Variants in FABP6 observed in about 807,000 individuals in gnomAD.
FABP6 encodes the protein fatty acid binding protein 6, also known as gastrotropin.
A neutral mutation model predicts 14.9 loss-of-function variants in FABP6; 13 were observed. The ratio of observed to expected loss-of-function variants is 0.87; its 90% CI spans 0.57 to 1.39. FABP6 has a LOEUF of 1.39. Among genes scored for constraint, FABP6 ranks in the 40% most tolerant of loss-of-function variants. The probability of loss-of-function intolerance (pLI) is 0.00; values close to 1 mark genes in which losing one functional copy is unlikely to be tolerated. For synonymous variants in FABP6, 75 were observed against 63.6 expected (o/e 1.18, Z -0.85); for missense variants, 161 against 167.2 (o/e 0.96, Z 0.20).
At chr5:160,194,041 A>G (rs569349011) in intron 1 of FABP6, among the ~76,000 whole-genome samples, 95 of 152,316 alleles carry the variant, frequency 6.2e-4, no homozygotes, top group Admixed American at 1.2e-3. Context: ...GCCCTGCCCC[A>G]TGGGAAGGCA....
chr5:160,237,927 A>C (rs750512530), intron 3 of FABP6, among the ~76,000 whole-genome samples: 6 of 152,086 alleles, frequency 3.9e-5, no homozygotes, highest in Non-Finnish European at 5.9e-5. Context: ...TTATCTAGTC[A>C]GTGGCTCCCT....
Position 160,210,485 on chromosome 5 carries a change from G to A in FABP6, c.52-3251G>A, listed in dbSNP as rs545304023. Among the ~76,000 whole-genome samples, 60 of 152,244 alleles carry A rather than the reference G, an allele frequency of 3.9e-4. 1 individual carries two copies. In the South Asian group the frequency reaches 0.012, roughly 32 times the overall value. The stretch of plus-strand genomic sequence containing the variant: ...TCAGGCCCAAGCAGTGGGCAAGTGG[G>A]GTAGATCATGTGGGGACAAGGCCAC... On this transcript the variant is annotated intron_variant, in intron 2 of 6. Coordinates refer to the FABP6 transcript ENST00000393980.
At chr5:160,223,368 TCCCTCCCTCCCTCCCTCTC>T (rs1413892402) in intron 3 of FABP6, among the ~76,000 whole-genome samples, 49 of 60,374 alleles carry the variant, frequency 8.1e-4, no homozygotes, top group East Asian at 5.3e-3. Flanking sequence ...CTTCTTTCCC[TCCCTCCCTCCCTCCCTCTC>T]TCCTTCCTTC....
At chr5:160,223,828 G>A (rs1229556185) in intron 3 of FABP6, among the ~76,000 whole-genome samples, 6 of 151,506 alleles carry the variant, frequency 4.0e-5, no homozygotes, top group Middle Eastern at 3.4e-3. Flanking sequence ...GGCTGGGCAC[G>A]ATGCTTTATG....
At chr5:160,236,819 A>C (rs913022895) in intron 3 of FABP6, among the ~76,000 whole-genome samples, 1 of 117,776 alleles carries the variant, frequency 8.5e-6, no homozygotes, top group Admixed American at 8.1e-5. Flanking sequence ...TAAAAATACA[A>C]AAAAAAAAAA....
In FABP6 at chr5:160,207,378, T is replaced by A. The variant is rs778060117; in HGVS notation, c.52-6358T>A. On this transcript the variant is annotated intron_variant, in intron 2 of 6. Coordinates refer to the FABP6 transcript ENST00000393980. ...GACATTTTAGGAGACAAGGTAGCAA[T>A]AGTCAGATTTTCTTTCTGGCTTTTG... Among the ~76,000 whole-genome samples, 10 of 152,360 alleles carry A rather than the reference T, an allele frequency of 6.6e-5. No individual in the cohort carries two copies. In the East Asian group the frequency reaches 1.5e-3, roughly 23 times the overall value.
chr5:160,195,730 C>G (rs1191209365), intron 1 of FABP6: 5 of 152,214 alleles, frequency 3.3e-5, no homozygotes, highest in Admixed American at 3.3e-4. Context: ...TGTGAACCAG[C>G]CCACCTGGCT....
At chr5:160,192,452 G>A (rs1177159084) in intron 1 of FABP6, among the ~76,000 whole-genome samples, 2 of 152,262 alleles carry the variant, frequency 1.3e-5, no homozygotes, top group East Asian at 3.8e-4. Flanking sequence ...AACCTTGCGT[G>A]TTTACTCTCC....
intron 2 of FABP6, among the ~76,000 whole-genome samples, chr5:160,201,411 G>A (rs991649021): frequency 5.9e-5 from 9 of 151,970 alleles, no homozygotes; most frequent in African/African-American, 1.7e-4. Context: ...CTAGGGTGGG[G>A]GGGTAGGGTG....
chr5:160,213,397 C>T (rs1488343736), intron 2 of FABP6, among the ~76,000 whole-genome samples: 1 of 152,176 alleles, frequency 6.6e-6, no homozygotes, highest in African/African-American at 2.4e-5. Flanking sequence ...GAAATGGTGG[C>T]TGCAGGGTCC....
chr5:160,209,004 C>A (rs1759828619), intron 2 of FABP6, among the ~76,000 whole-genome samples: 1 of 151,820 alleles, frequency 6.6e-6, no homozygotes, highest in African/African-American at 2.4e-5. Flanking sequence ...TCTCAAACTC[C>A]TGACCTTGTG....
Position 160,199,109 on chromosome 5 carries a change from GAA to G in FABP6, c.4_5del (p.Lys2AspfsTer41). The stretch of plus-strand genomic sequence containing the variant: ...GGGGCTGGTCCAGCCCAGAGGCGAT[GAA>G]GACAGTGACGATGATGATGGTGGTG... On this transcript the variant is annotated frameshift_variant, in exon 2 of 7. Coordinates refer to the FABP6 transcript ENST00000393980. LOFTEE classifies it high-confidence loss of function. The G allele has an allele frequency of 6.2e-7, 1 of 1,614,142 alleles. No individual in the cohort carries two copies. The highest frequency in any genetic ancestry group is 8.5e-7 in the Non-Finnish European group (1 of 1,180,032).
intron 3 of FABP6, among the ~76,000 whole-genome samples, chr5:160,237,799 C>T (rs1760549082): frequency 6.6e-6 from 1 of 152,232 alleles, no homozygotes; most frequent in Non-Finnish European, 1.5e-5. Context: ...CTGGACAGAG[C>T]CATTCCTATC....
intron 3 of FABP6, among the ~76,000 whole-genome samples, 179 bp from the exon 4 acceptor site, chr5:160,238,427 T>C (rs1368009593): frequency 3.9e-5 from 6 of 152,158 alleles, no homozygotes; most frequent in African/African-American, 1.4e-4. Flanking sequence ...TTACCATTCA[T>C]CACAGGGAGT....
chr5:160,217,217 T>C (rs909983394), intron 3 of FABP6, among the ~76,000 whole-genome samples: 3 of 152,164 alleles, frequency 2.0e-5, no homozygotes, highest in African/African-American at 4.8e-5. Context: ...ACAGGACTTT[T>C]GGATGTCAGT....
chr5:160,220,899 C>G (rs1760115477), intron 3 of FABP6, among the ~76,000 whole-genome samples: 1 of 151,668 alleles, frequency 6.6e-6, no homozygotes, highest in Admixed American at 6.6e-5. Flanking sequence ...ACCAGCCTGG[C>G]CAACATGGTG....
intron 3 of FABP6, among the ~76,000 whole-genome samples, chr5:160,236,429 A>G (rs1166190759): frequency 6.6e-6 from 1 of 152,164 alleles, no homozygotes; most frequent in African/African-American, 2.4e-5. Context: ...TTTGACCTTT[A>G]TCATATGGGT....
chr5:160,208,998 A>G (rs6898052), intron 2 of FABP6, among the ~76,000 whole-genome samples: 136,872 of 151,388 alleles, frequency 0.9, 61,977 homozygotes, highest in Non-Finnish European at 0.92. Context: ...GGCTGGTCTC[A>G]AACTCCTGAC....
chr5:160,212,784 T>A (rs1371618422), intron 2 of FABP6, among the ~76,000 whole-genome samples: 2 of 152,208 alleles, frequency 1.3e-5, no homozygotes, highest in Non-Finnish European at 2.9e-5. Flanking sequence ...TGGCTAATTT[T>A]AAAAATATTT....
Sources: allele counts gnomAD v4.1 joint callset (sites outside exome capture counted in the v4.1 genomes callset), GRCh38; gene constraint gnomAD v4.1.1; transcripts MANE v1.5; gene names NCBI Gene and HGNC (gene_info 2026-07-23, HGNC 2026-07-21).